Variants in GADL1 observed in about 807,000 individuals in gnomAD.
GADL1 encodes the protein acidic amino acid decarboxylase GADL1.
In GADL1, 71 loss-of-function variants were observed where a neutral mutation model predicts 69.5. The ratio of observed to expected loss-of-function variants is 1.02; its 90% confidence interval spans 0.84 to 1.25. GADL1 has a LOEUF of 1.25. Ranked by LOEUF, GADL1 falls within the 50% of genes most tolerant of loss-of-function variation. GADL1 has a pLI of 0.00. For missense variants in GADL1, 737 were observed against 631.8 expected (o/e 1.17, Z -1.79); for synonymous variants, 254 against 214.4 (o/e 1.18, Z -1.62).
At chr3:30,753,007 AAT>A (rs1421317813) in intron 14 of GADL1, among the ~76,000 whole-genome samples, 16 of 151,164 alleles carry the variant, frequency 1.1e-4, no homozygotes, top group African/African-American at 3.2e-4. Flanking sequence ...AAATTTTAAA[AAT>A]AGATTCCTAA....
intron 14 of GADL1, among the ~76,000 whole-genome samples, chr3:30,769,814 T>A (rs1055822043): frequency 6.6e-6 from 1 of 152,118 alleles, no homozygotes; most frequent in African/African-American, 2.4e-5. Context: ...AGCTCAAGCA[T>A]CCCTCAGTCG....
At chr3:30,746,690 AT>A (rs1298539319) in intron 14 of GADL1, among the ~76,000 whole-genome samples, 3 of 152,144 alleles carry the variant, frequency 2.0e-5, no homozygotes, top group African/African-American at 7.2e-5. Flanking sequence ...GGGCCATCAG[AT>A]TTCTTACACA....
intron 14 of GADL1, among the ~76,000 whole-genome samples, chr3:30,747,993 C>A (rs1695733204): frequency 6.6e-6 from 1 of 152,144 alleles, no homozygotes; most frequent in Non-Finnish European, 1.5e-5. Context: ...CTGAATTAAC[C>A]CCCCAAATAT....
At chr3:30,837,926 T>C (rs1559357078) in intron 9 of GADL1, among the ~76,000 whole-genome samples, 1 of 152,156 alleles carries the variant, frequency 6.6e-6, no homozygotes, top group Non-Finnish European at 1.5e-5. Flanking sequence ...GCAATAACTC[T>C]AGTAAACTTT....
chr3:30,773,191 C>T (rs1047209890), intron 14 of GADL1, among the ~76,000 whole-genome samples: 4 of 151,908 alleles, frequency 2.6e-5, no homozygotes, highest in African/African-American at 9.7e-5. Flanking sequence ...CTTATAAAAA[C>T]TTTGTTGTTA....
At chr3:30,827,741 T>A (rs1275418838) in intron 11 of GADL1, among the ~76,000 whole-genome samples, 1 of 151,768 alleles carries the variant, frequency 6.6e-6, no homozygotes, top group Non-Finnish European at 1.5e-5. Flanking sequence ...GAATTAAGAG[T>A]ATTTATCAAT....
At chr3:30,748,394 C>T (rs1357100459) in intron 14 of GADL1, among the ~76,000 whole-genome samples, 1 of 152,152 alleles carries the variant, frequency 6.6e-6, no homozygotes, top group Non-Finnish European at 1.5e-5. Flanking sequence ...AATGAGTCCA[C>T]TTGCCTCTTT....
chr3:30,883,129 G>A (rs1409043836), intron 1 of GADL1, among the ~76,000 whole-genome samples: 1 of 151,724 alleles, frequency 6.6e-6, no homozygotes, highest in African/African-American at 2.4e-5. Context: ...TGTGTCTTTT[G>A]GTGCACAAAA....
chr3:30,852,728 A>G (rs1698169351), intron 4 of GADL1, among the ~76,000 whole-genome samples: 1 of 152,130 alleles, frequency 6.6e-6, no homozygotes, highest in African/African-American at 2.4e-5. Context: ...GGAAAAGATA[A>G]GATAGAACAC....
chr3:30,760,585 C>G (rs1207849276), intron 14 of GADL1, among the ~76,000 whole-genome samples: 6 of 152,164 alleles, frequency 3.9e-5, no homozygotes, highest in African/African-American at 1.4e-4. Context: ...TACACAAAAT[C>G]TGTTATCTTC....
At chr3:30,747,226 A>G (rs1695720602) in intron 14 of GADL1, among the ~76,000 whole-genome samples, 2 of 152,202 alleles carry the variant, frequency 1.3e-5, no homozygotes, top group South Asian at 2.1e-4. Context: ...GAGAATACCC[A>G]GGCCATTTGT....
chr3:30,814,428 C>T (rs1313619659), intron 11 of GADL1, among the ~76,000 whole-genome samples: 1 of 152,178 alleles, frequency 6.6e-6, no homozygotes, highest in Non-Finnish European at 1.5e-5. Flanking sequence ...AGAATCTTAT[C>T]TGTATAGGGC....
At chr3:30,786,834 TAA>T (rs1485901674) in intron 12 of GADL1, among the ~76,000 whole-genome samples, 4 of 152,192 alleles carry the variant, frequency 2.6e-5, no homozygotes, top group African/African-American at 9.6e-5. Flanking sequence ...TAAGTTCACT[TAA>T]AATCAAGAAA....
At chr3:30,801,705 CTTG>C (rs1697168982) in intron 11 of GADL1, among the ~76,000 whole-genome samples, 2 of 152,134 alleles carry the variant, frequency 1.3e-5, no homozygotes, top group African/African-American at 4.8e-5. Context: ...CATTTACTGA[CTTG>C]TTATCATTAA....
chr3:30,851,815 C>T (rs1698151772), intron 4 of GADL1, among the ~76,000 whole-genome samples: 1 of 152,076 alleles, frequency 6.6e-6, no homozygotes, highest in Admixed American at 6.6e-5. Context: ...CCTCCTCCTT[C>T]CCCAGGTCGT....
chr3:30,760,190 C>A (rs1474796979), intron 14 of GADL1, among the ~76,000 whole-genome samples: 1 of 152,192 alleles, frequency 6.6e-6, no homozygotes, highest in African/African-American at 2.4e-5. Flanking sequence ...TTAATGCTTC[C>A]CTGTAGGACA....
chr3:30,753,976 C>G (rs1185210137), intron 14 of GADL1, among the ~76,000 whole-genome samples: 1 of 152,144 alleles, frequency 6.6e-6, no homozygotes, highest in East Asian at 1.9e-4. Flanking sequence ...AAAGCCATGG[C>G]CACCTACGGA....
intron 14 of GADL1, among the ~76,000 whole-genome samples, chr3:30,761,368 A>C (rs1241468574): frequency 6.6e-6 from 1 of 152,190 alleles, no homozygotes; most frequent in Non-Finnish European, 1.5e-5. Context: ...AACCAAATAT[A>C]TGTGGGACTT....
intron 13 of GADL1, among the ~76,000 whole-genome samples, chr3:30,784,767 G>C (rs193151995): frequency 1.3e-5 from 2 of 152,114 alleles, no homozygotes; most frequent in South Asian, 4.1e-4. Context: ...TCAGACTCCT[G>C]TCTTCTTAAA....
Sources: gnomAD v4.1 joint callset for allele counts (sites outside exome capture counted in the v4.1 genomes callset) on GRCh38, gnomAD v4.1.1 for gene constraint, MANE v1.5 for transcripts, NCBI Gene and HGNC (gene_info 2026-07-23, HGNC 2026-07-21) for gene names.